Variants in SLC30A7 observed in about 807,000 individuals in gnomAD.
The protein encoded by SLC30A7 is solute carrier family 30 member 7.
A neutral mutation model predicts 46.0 loss-of-function variants in SLC30A7; 35 were observed. The ratio of observed to expected loss-of-function variants is 0.76; its 90% confidence interval spans 0.58 to 1.01. The LOEUF is 1.01. Among genes scored for constraint, SLC30A7 ranks in the 50% least tolerant of loss-of-function variants. SLC30A7 has a pLI of 0.00. For missense variants in SLC30A7, 464 were observed against 451.1 expected (o/e 1.03, Z -0.26); for synonymous variants, 147 against 157.8 (o/e 0.93, Z 0.51).
At position 100,896,634 on chromosome 1, in the gene SLC30A7, G is replaced by A; in HGVS notation, c.145G>A (p.Ala49Thr). 13 of 1,613,986 alleles carry A rather than the reference G, an allele frequency of 8.1e-6. No individual in the cohort carries two copies. The highest frequency in any genetic ancestry group is 1.1e-5 in the Non-Finnish European group (13 of 1,179,976). The change falls in exon 2 of 11, where the codon GCT (alanine) becomes ACT (threonine). Residue 49 changes from alanine (A) to threonine (T), a missense_variant. Physicochemically the swap from Ala to Thr is moderately conservative, Grantham distance 58. Coordinates refer to ENST00000357650, the MANE Select transcript of SLC30A7 (RefSeq NM_133496.5). ...CTTCCTGTGCCTGAACCTCTCTTTCGCTTTTGTGGAACTACTCTACGGCAT... is the reference window on the plus strand; with the variant it reads ...CTTCCTGTGCCTGAACCTCTCTTTCACTTTTGTGGAACTACTCTACGGCAT... Reference protein sequence around the residue: ...FFFLCLNLSFAFVELLYGIWS... With the variant: ...FFFLCLNLSFTFVELLYGIWS...
intron 1 of SLC30A7, 107 bp from the exon 2 acceptor site, chr1:100,896,463 G>C: frequency 7.0e-7 from 1 of 1,427,236 alleles, no homozygotes; most frequent in Admixed American, 1.7e-5. Context: ...CCCTAGCTGT[G>C]AAGAAAGGAG....
chr1:100,990,350 A>C, the SLC30A7 span: 1 of 1,517,410 alleles, frequency 6.6e-7, no homozygotes, highest in Non-Finnish European at 9.1e-7. Flanking sequence ...GATACATCCA[A>C]ACCATATCAA....
intron 8 of SLC30A7, among the ~76,000 whole-genome samples, chr1:100,942,425 A>G (rs531461002): frequency 6.6e-6 from 1 of 152,312 alleles, no homozygotes; most frequent in African/African-American, 2.4e-5. Flanking sequence ...ACAAATGGCC[A>G]TCTCTATGGA....
chr1:100,965,956 C>T (rs763803107), intron 10 of SLC30A7, 38 bp downstream of exon 10: 6 of 1,546,632 alleles, frequency 3.9e-6, no homozygotes, highest in East Asian at 4.5e-5. Flanking sequence ...AGGGCCTTAA[C>T]ATTTTTTATA....
downstream of SLC30A7, among the ~76,000 whole-genome samples, chr1:100,982,070 G>T (rs973325742): frequency 6.6e-5 from 10 of 152,168 alleles, no homozygotes; most frequent in Non-Finnish European, 1.5e-4. Context: ...TGTCTTATAT[G>T]ACGTGAAGAC....
chr1:100,956,431 CAT>C (rs1223524850), intron 8 of SLC30A7, among the ~76,000 whole-genome samples: 1 of 152,104 alleles, frequency 6.6e-6, no homozygotes. Flanking sequence ...AGGCAACACA[CAT>C]GGAATACACA....
intron 6 of SLC30A7, among the ~76,000 whole-genome samples, chr1:100,917,542 G>A (rs936266379): frequency 1.2e-4 from 19 of 152,104 alleles, no homozygotes; most frequent in African/African-American, 4.6e-4. Flanking sequence ...AAGCTGAATA[G>A]TAATTTTCAA....
At chr1:100,904,086 A>AT (rs140357240) in intron 2 of SLC30A7, among the ~76,000 whole-genome samples, 3,505 of 152,280 alleles carry the variant, frequency 0.023, 138 homozygotes, top group African/African-American at 0.079. Context: ...CTTTTATACT[A>AT]TACTCTATTG....
rs148238291 is a variant in SLC30A7, at chr1:100,973,267, G to C, written c.1084-1543G>C. 2.1e-3 allele frequency among the ~76,000 whole-genome samples: 313 copies of C among 152,166 alleles called. 1 individual carries two copies. The highest frequency in any genetic ancestry group is 1.7e-3 in the Admixed American group (26 of 15,280). ...TGCTTTGAGGAGTCCAGAAATTACT[G>C]TAAGAAGGTAGTGCTAATAGATTTT... On this transcript the variant is annotated intron_variant, in intron 10 of 10. Transcript: ENST00000357650.
intron 6 of SLC30A7, among the ~76,000 whole-genome samples, chr1:100,915,236 TCTTTCTTTCTTTCTTTCTTC>T (rs1557981415): frequency 4.1e-5 from 6 of 146,250 alleles, no homozygotes; most frequent in East Asian, 2.0e-4. Context: ...TTTCTTTCTT[TCTTTCTTTCTTTCTTTCTTC>T]CTTTCTTTCT....
intron 4 of SLC30A7, 131 bp from the exon 5 acceptor site, chr1:100,911,980 GT>G: frequency 2.7e-6 from 2 of 752,702 alleles, no homozygotes; most frequent in South Asian, 2.0e-5. Context: ...TCTATCAACT[GT>G]TTTGGGAGAT....
At chr1:100,964,703 A>C (rs771017472) in intron 9 of SLC30A7, among the ~76,000 whole-genome samples, 6 of 152,198 alleles carry the variant, frequency 3.9e-5, no homozygotes, top group Non-Finnish European at 8.8e-5. Context: ...ATGTACTTGT[A>C]CTGCCACATA....
chr1:100,918,163 G>A (rs765450845), intron 7 of SLC30A7, 36 bp downstream of exon 7: 1 of 1,549,100 alleles, frequency 6.5e-7, no homozygotes, highest in South Asian at 1.1e-5. Context: ...TTAGTTTTTT[G>A]AAACTGCTTT....
Position 100,974,879 on chromosome 1 carries a change from C to T in SLC30A7, c.*22C>T. ...GTAGTGAATGGAAAGAAATTATGCA[C>T]CTTTTATGGACCAAATTTTTCTGGT... On this transcript the variant is annotated 3_prime_UTR_variant, in exon 11 of 11. Transcript: ENST00000357650. The T allele has an allele frequency of 3.1e-6, 5 of 1,593,288 alleles. No individual in the cohort carries two copies. The highest frequency in any genetic ancestry group is 4.3e-6 in the Non-Finnish European group (5 of 1,165,280).
intron 8 of SLC30A7, among the ~76,000 whole-genome samples, chr1:100,959,092 A>G (rs1655398062): frequency 6.6e-6 from 1 of 152,216 alleles, no homozygotes; most frequent in Non-Finnish European, 1.5e-5. Context: ...AAGTACAAGT[A>G]TGTTATATTT....
At chr1:100,991,671 C>T in the SLC30A7 span, among the ~76,000 whole-genome samples, 1 of 149,344 alleles carries the variant, frequency 6.7e-6, no homozygotes, top group Non-Finnish European at 1.5e-5. Flanking sequence ...CACCTGTAGT[C>T]CCAGCTACTC....
chr1:100,899,618 G>A (rs1651173363), intron 2 of SLC30A7, among the ~76,000 whole-genome samples: 1 of 152,144 alleles, frequency 6.6e-6, no homozygotes, highest in Non-Finnish European at 1.5e-5. Context: ...GGGAGGCAGA[G>A]GTTGCAGTGA....
At chr1:100,947,872 C>G (rs1021713218) in intron 8 of SLC30A7, among the ~76,000 whole-genome samples, 2 of 152,074 alleles carry the variant, frequency 1.3e-5, no homozygotes, top group Admixed American at 1.3e-4. Context: ...ATTGCAATCC[C>G]TGCTCTTTTT....
the SLC30A7 span, chr1:100,995,441 G>A: frequency 8.2e-6 from 2 of 244,672 alleles, no homozygotes; most frequent in Non-Finnish European, 1.6e-5. Context: ...ACTACTAACA[G>A]CTAATCACAA....
Sources: allele counts gnomAD v4.1 joint callset (sites outside exome capture counted in the v4.1 genomes callset), GRCh38; gene constraint gnomAD v4.1.1; transcripts MANE v1.5; gene names NCBI Gene and HGNC (gene_info 2026-07-23, HGNC 2026-07-21).